WWP2: variants seen among roughly 807,000 people sequenced by gnomAD.
WWP2 encodes the protein WW domain containing E3 ubiquitin protein ligase 2, also known as NEDD4-like E3 ubiquitin-protein ligase WWP2.
WWP2 carries 57 observed loss-of-function variants against 121.0 expected under a neutral mutation model. The ratio of observed to expected loss-of-function variants is 0.47; its 90% confidence interval spans 0.38 to 0.59. The LOEUF (loss-of-function observed/expected upper bound fraction) is 0.59, where lower values mean the gene tolerates loss of function less well. Ranked by LOEUF, WWP2 falls within the 20% of genes least tolerant of loss-of-function variation. WWP2 has a pLI of 0.00. For synonymous variants in WWP2, 449 were observed against 441.3 expected (o/e 1.02, Z -0.22); for missense variants, 962 against 1,158.9 (o/e 0.83, Z 2.47).
chr16:69,899,360 A>C (rs2058161325), intron 8 of WWP2, among the ~76,000 whole-genome samples: 1 of 152,122 alleles, frequency 6.6e-6, no homozygotes, highest in Non-Finnish European at 1.5e-5. Context: ...CAACAACAAC[A>C]ACACAAATTT....
intron 6 of WWP2, among the ~76,000 whole-genome samples, chr16:69,859,789 C>G (rs754899072): frequency 1.3e-5 from 2 of 152,086 alleles, no homozygotes; most frequent in Admixed American, 6.6e-5. Flanking sequence ...CTGATTTTCT[C>G]TCCTGCCACC....
chr16:69,937,455 A>T lies in WWP2; in HGVS notation c.2239-93A>T, dbSNP rs1041023110. ...ATTAACGCTGACACCAAAAATAGCT[A>T]GTTGAATATGTTTGGGGTAATGTCA... On this transcript the variant is annotated intron_variant, in intron 20 of 23. Transcript: ENST00000359154. The surrounding 1 kb of genome is among the most constrained non-coding windows in gnomAD (Gnocchi z 6.6). 7.1e-7 allele frequency: 1 copy of T among 1,417,592 alleles called. No homozygotes were observed. Among genetic ancestry groups the T allele is most frequent in the African/African-American group, 1.4e-5 (1 of 70,138 alleles). The allele number at this position is 1,417,592 out of a possible 1,614,324, so 87.8% of individuals were successfully genotyped here.
chr16:69,849,217 C>T (rs1208748013), intron 6 of WWP2, among the ~76,000 whole-genome samples: 1 of 152,128 alleles, frequency 6.6e-6, no homozygotes, highest in African/African-American at 2.4e-5. Context: ...GGAAGCAGAG[C>T]TAGCAGGGAG....
chr16:69,810,143 A>G (rs564583094), intron 4 of WWP2, among the ~76,000 whole-genome samples: 4 of 152,108 alleles, frequency 2.6e-5, no homozygotes, highest in Non-Finnish European at 5.9e-5. Flanking sequence ...TCGTTCTTTC[A>G]TTTGCTCCCT....
intron 1 of WWP2, among the ~76,000 whole-genome samples, chr16:69,770,065 T>C (rs1010349017): frequency 2.6e-5 from 4 of 152,110 alleles, no homozygotes; most frequent in Non-Finnish European, 5.9e-5. Flanking sequence ...TTTCGCCGTG[T>C]TGGCCAGGCT....
At chr16:69,934,690 C>T (rs1377800910) in intron 17 of WWP2, among the ~76,000 whole-genome samples, 3 of 150,782 alleles carry the variant, frequency 2.0e-5, no homozygotes, top group Admixed American at 1.3e-4. Flanking sequence ...TAGAACAAAA[C>T]GTAAAGTCTG....
chr16:69,916,174 G>T (rs538954157), intron 9 of WWP2, among the ~76,000 whole-genome samples: 55 of 152,126 alleles, frequency 3.6e-4, no homozygotes, highest in Non-Finnish European at 7.4e-4. Context: ...GGGCAATGGG[G>T]AGTCAATGGA....
intron 6 of WWP2, among the ~76,000 whole-genome samples, chr16:69,866,270 TTTTATTTATTTATTTA>T (rs56801798): frequency 0.099 from 14,652 of 147,862 alleles, 864 homozygotes; most frequent in Middle Eastern, 0.13. Flanking sequence ...AGGTTTCACA[TTTTATTTATTTATTTA>T]TTTATTTATT....
At position 69,799,728 on chromosome 16, in the gene WWP2, A is replaced by C. The variant is rs1231713979; in HGVS notation, c.340+433A>C. 6.6e-6 allele frequency among the ~76,000 whole-genome samples: 1 copy of C among 152,170 alleles called. No homozygotes were observed. The highest frequency in any genetic ancestry group is 2.4e-5 in the African/African-American group (1 of 41,440). ...TGTGCATGCCTGTGTGCATGTGTGC[A>C]CGTGTGTGTCTGGGATAGTATTACA... On this transcript the variant is annotated intron_variant, in intron 4 of 23. Coordinates refer to ENST00000359154, the MANE Select transcript of WWP2 (RefSeq NM_001270454.2). This position sits in a 1 kb window ranked among gnomAD's most constrained non-coding sequence, Gnocchi z 4.5.
intron 9 of WWP2, among the ~76,000 whole-genome samples, chr16:69,913,640 C>T (rs981864427): frequency 6.6e-6 from 1 of 151,980 alleles, no homozygotes; most frequent in Admixed American, 6.6e-5. Flanking sequence ...AATTGATATC[C>T]TCAAAGATTT....
chr16:69,815,756 C>T (rs1428348031), intron 4 of WWP2, among the ~76,000 whole-genome samples: 2 of 148,548 alleles, frequency 1.3e-5, no homozygotes, highest in Non-Finnish European at 3.0e-5. Context: ...CATTGCACTC[C>T]AGCCTGGGCG....
At chr16:69,854,522 A>G (rs138864795) in intron 6 of WWP2, among the ~76,000 whole-genome samples, 4 of 151,822 alleles carry the variant, frequency 2.6e-5, no homozygotes, top group African/African-American at 9.7e-5. Flanking sequence ...CGTTGAATCA[A>G]TTCTGTATGT....
chr16:69,886,251 T>C (rs1481464629), intron 7 of WWP2, among the ~76,000 whole-genome samples: 4 of 152,166 alleles, frequency 2.6e-5, no homozygotes, highest in African/African-American at 7.2e-5. Flanking sequence ...AACTACTCTT[T>C]TAAATTATTT....
At chr16:69,912,068 T>A (rs2058385965) in intron 9 of WWP2, among the ~76,000 whole-genome samples, 1 of 152,034 alleles carries the variant, frequency 6.6e-6, no homozygotes, top group African/African-American at 2.4e-5. Context: ...GGCAGGTGGA[T>A]CATGAAGTCA....
At chr16:69,863,191 T>G (rs1455468324) in intron 6 of WWP2, among the ~76,000 whole-genome samples, 2 of 152,202 alleles carry the variant, frequency 1.3e-5, no homozygotes, top group Non-Finnish European at 2.9e-5. Context: ...ATACCTGCCT[T>G]CTACAACTTT....
intron 6 of WWP2, among the ~76,000 whole-genome samples, chr16:69,862,105 G>A (rs534512661): frequency 6.6e-6 from 1 of 152,164 alleles, no homozygotes; most frequent in African/African-American, 2.4e-5. Flanking sequence ...CGCTCTTGTT[G>A]CCCCGGCTGG....
chr16:69,812,515 G>A (rs2056414815), intron 4 of WWP2, among the ~76,000 whole-genome samples: 1 of 133,110 alleles, frequency 7.5e-6, no homozygotes, highest in Non-Finnish European at 1.5e-5. Flanking sequence ...GTCTGGCTCT[G>A]TGGCCCAGGC....
At chr16:69,779,615 A>G (rs1429442559) in intron 1 of WWP2, among the ~76,000 whole-genome samples, 1 of 152,086 alleles carries the variant, frequency 6.6e-6, no homozygotes, top group Non-Finnish European at 1.5e-5. Flanking sequence ...TCCATTCTCT[A>G]AGAGTCAGGA....
At chr16:69,926,429 G>A (rs879871164) in intron 11 of WWP2, among the ~76,000 whole-genome samples, 35 of 152,142 alleles carry the variant, frequency 2.3e-4, no homozygotes, top group Admixed American at 1.4e-3. Flanking sequence ...GGGTGCGCTC[G>A]ACAACAAAGA....
Sources: allele counts gnomAD v4.1 joint callset (sites outside exome capture counted in the v4.1 genomes callset), GRCh38; gene constraint gnomAD v4.1.1; non-coding constraint Gnocchi (gnomAD v3.1); transcripts MANE v1.5; gene names NCBI Gene and HGNC (gene_info 2026-07-23, HGNC 2026-07-21).